Variants in ASTN2 observed in about 807,000 individuals in gnomAD.
The protein encoded by ASTN2 is astrotactin-2.
Under a neutral mutation model 139.8 loss-of-function variants are expected in ASTN2, and 54 were observed. That is an observed-to-expected ratio of 0.39 (90% confidence interval 0.31 to 0.48). The LOEUF is 0.48. Among genes scored for constraint, ASTN2 ranks in the 20% least tolerant of loss-of-function variants. The pLI is 0.95. For synonymous variants in ASTN2, 756 were observed against 719.5 expected, an observed-to-expected ratio of 1.05 and a Z score of -0.81; for missense variants, 1,565 against 1,725.1, an observed-to-expected ratio of 0.91 and a Z score of 1.64.
intron 5 of ASTN2, among the ~76,000 whole-genome samples, chr9:117,069,986 A>G (rs1828068757): frequency 1.4e-5 from 2 of 147,130 alleles, no homozygotes; most frequent in African/African-American, 5.1e-5. Flanking sequence ...GTGTCTTTTA[A>G]TTGGAGAATT....
intron 1 of ASTN2, among the ~76,000 whole-genome samples, chr9:117,293,100 A>T (rs572716017): frequency 7.4e-6 from 1 of 134,444 alleles, no homozygotes; most frequent in South Asian, 2.1e-4. Context: ...GAAAAAAAAG[A>T]AAAAAAACAA....
chr9:117,380,000 A>G (rs1212776213), intron 1 of ASTN2, among the ~76,000 whole-genome samples: 1 of 152,172 alleles, frequency 6.6e-6, no homozygotes, highest in African/African-American at 2.4e-5. Context: ...TCAAGGCAAG[A>G]ATCAGGAGAA....
At chr9:117,238,134 C>T (rs1833099328) in intron 2 of ASTN2, among the ~76,000 whole-genome samples, 1 of 152,176 alleles carries the variant, frequency 6.6e-6, no homozygotes, top group Non-Finnish European at 1.5e-5. Flanking sequence ...GATACCCCTG[C>T]TCCTTGTGGC....
intron 4 of ASTN2, among the ~76,000 whole-genome samples, chr9:117,110,566 G>T (rs1186358200): frequency 6.6e-6 from 1 of 152,156 alleles, no homozygotes; most frequent in South Asian, 2.1e-4. Context: ...TACAGAGGAG[G>T]TTCTGCATAT....
intron 19 of ASTN2, among the ~76,000 whole-genome samples, chr9:116,614,556 G>A (rs1011910201): frequency 3.3e-5 from 5 of 151,868 alleles, no homozygotes; most frequent in African/African-American, 1.2e-4. Flanking sequence ...TAGAGCCCCC[G>A]GAAACAATAC....
At chr9:116,687,332 C>G in intron 16 of ASTN2, 6 of 948,188 alleles carry the variant, frequency 6.3e-6, no homozygotes, top group Non-Finnish European at 7.5e-6. Flanking sequence ...CAGAGGGAGG[C>G]AGGCGGGTGG....
At position 117,370,474 on chromosome 9, in the gene ASTN2, G is replaced by A. The variant is rs140093377; in HGVS notation, c.442+44023C>T. ...ATAGATGGCCAAAAATGTCATCCATGTTCTAGCCTTCTTCAATCTTCCAAA... is the reference window on the plus strand; with the variant it reads ...ATAGATGGCCAAAAATGTCATCCATATTCTAGCCTTCTTCAATCTTCCAAA... On this transcript the variant is annotated intron_variant, in intron 1 of 22. Transcript: ENST00000313400. 3.1e-3 allele frequency among the ~76,000 whole-genome samples: 478 copies of A among 152,226 alleles called. 2 individuals are homozygous for A. The highest frequency in any genetic ancestry group is 5.2e-3 in the Non-Finnish European group (357 of 68,008).
chr9:117,288,999 C>CA (rs1834517804), intron 2 of ASTN2, among the ~76,000 whole-genome samples: 1 of 152,204 alleles, frequency 6.6e-6, no homozygotes, highest in South Asian at 2.1e-4. Flanking sequence ...AAAAACAAGA[C>CA]AAAGGGCTCA....
intron 19 of ASTN2, among the ~76,000 whole-genome samples, chr9:116,534,904 C>T (rs1408481296): frequency 6.6e-6 from 1 of 152,110 alleles, no homozygotes; most frequent in African/African-American, 2.4e-5. Context: ...GAGTTTAATT[C>T]CTAGATACCC....
intron 4 of ASTN2, among the ~76,000 whole-genome samples, chr9:117,113,014 A>G (rs1393620954): frequency 6.6e-6 from 1 of 152,232 alleles, no homozygotes; most frequent in Non-Finnish European, 1.5e-5. Flanking sequence ...CATCAGGGAG[A>G]CATAAATTAT....
chr9:117,184,815 G>C (rs1312886826), intron 3 of ASTN2, among the ~76,000 whole-genome samples: 2 of 152,132 alleles, frequency 1.3e-5, no homozygotes, highest in Non-Finnish European at 2.9e-5. Context: ...GGTCCAAGCT[G>C]TTCATGATAC....
intron 12 of ASTN2, among the ~76,000 whole-genome samples, chr9:116,809,561 G>A (rs1174281963): frequency 6.6e-6 from 1 of 152,002 alleles, no homozygotes; most frequent in Non-Finnish European, 1.5e-5. Context: ...TTTCCTGACT[G>A]CTCTTCCATA....
At chr9:117,191,871 G>T (rs1831357548) in intron 3 of ASTN2, among the ~76,000 whole-genome samples, 1 of 152,174 alleles carries the variant, frequency 6.6e-6, no homozygotes, top group Admixed American at 6.5e-5. Context: ...ATGTGCAAGG[G>T]TCCCCAGAGA....
chr9:117,299,727 G>A (rs1016606981), intron 1 of ASTN2, among the ~76,000 whole-genome samples: 4 of 152,142 alleles, frequency 2.6e-5, no homozygotes, highest in Admixed American at 6.5e-5. Flanking sequence ...GACCAAGCCC[G>A]AGCTCAGAGG....
At chr9:117,412,260 C>A (rs1429664041) in intron 1 of ASTN2, among the ~76,000 whole-genome samples, 1 of 152,100 alleles carries the variant, frequency 6.6e-6, no homozygotes, top group African/African-American at 2.4e-5. Context: ...GAACCCAATC[C>A]CCCGCATGCA....
chr9:117,372,296 G>A (rs1432799551), intron 1 of ASTN2, among the ~76,000 whole-genome samples: 1 of 152,112 alleles, frequency 6.6e-6, no homozygotes, highest in African/African-American at 2.4e-5. Flanking sequence ...TTCCCCCAGA[G>A]GGTGAAGAAG....
intron 5 of ASTN2, among the ~76,000 whole-genome samples, chr9:117,090,240 GA>G (rs1303329622): frequency 6.6e-6 from 1 of 152,224 alleles, no homozygotes; most frequent in African/African-American, 2.4e-5. Context: ...CTGCAAAGCT[GA>G]AAATGTTTAT....
At chr9:117,345,830 C>A (rs1352374498) in intron 1 of ASTN2, among the ~76,000 whole-genome samples, 2 of 152,132 alleles carry the variant, frequency 1.3e-5, no homozygotes, top group East Asian at 1.9e-4. Context: ...CTTTTAACTT[C>A]TTTTTCTCTT....
chr9:117,139,407 G>A (rs1175905814), intron 4 of ASTN2, among the ~76,000 whole-genome samples: 1 of 152,138 alleles, frequency 6.6e-6, no homozygotes, highest in Admixed American at 6.5e-5. Context: ...ACTGACTTGG[G>A]CTGGGATTAG....
Sources: gnomAD v4.1 joint callset for allele counts (sites outside exome capture counted in the v4.1 genomes callset) on GRCh38, gnomAD v4.1.1 for gene constraint, MANE v1.5 for transcripts, NCBI Gene and HGNC (gene_info 2026-07-23, HGNC 2026-07-21) for gene names.